Variants in RAB3C observed in about 807,000 individuals in gnomAD.
The protein encoded by RAB3C is ras-related protein Rab-3C.
RAB3C carries 17 observed loss-of-function variants against 26.4 expected under a neutral mutation model. The observed-to-expected ratio is 0.64, with a 90% CI of 0.44 to 0.97. RAB3C has a LOEUF of 0.97. Ranked by LOEUF, RAB3C falls within the 50% of genes least tolerant of loss-of-function variation. RAB3C has a pLI of 0.00. For synonymous variants in RAB3C, 91 were observed against 95.9 expected, an observed-to-expected ratio of 0.95 and a Z score of 0.30; for missense variants, 242 against 281.9, an observed-to-expected ratio of 0.86 and a Z score of 1.01.
At chr5:58,763,654 A>G (rs1373620533) in intron 3 of RAB3C, among the ~76,000 whole-genome samples, 2 of 152,188 alleles carry the variant, frequency 1.3e-5, no homozygotes, top group Non-Finnish European at 2.9e-5. Context: ...CACTCTTTCC[A>G]CTCCCAGAAA....
At chr5:58,641,244 T>C (rs182865627) in intron 2 of RAB3C, among the ~76,000 whole-genome samples, 1 of 152,310 alleles carries the variant, frequency 6.6e-6, no homozygotes, top group East Asian at 1.9e-4. Flanking sequence ...GTAGAGTCTC[T>C]GTAAATGTGG....
intron 3 of RAB3C, among the ~76,000 whole-genome samples, chr5:58,726,871 A>G (rs1027722565): frequency 5.9e-5 from 9 of 151,940 alleles, no homozygotes; most frequent in African/African-American, 1.9e-4. Flanking sequence ...GAGAGCAGAC[A>G]CTGAAAAGCC....
At chr5:58,707,575 T>G (rs565000483) in intron 2 of RAB3C, among the ~76,000 whole-genome samples, 1 of 151,782 alleles carries the variant, frequency 6.6e-6, no homozygotes, top group African/African-American at 2.4e-5. Flanking sequence ...CAGTAAGGAG[T>G]GGAGCCAGAA....
chr5:58,725,382 T>C (rs535128490), intron 2 of RAB3C, among the ~76,000 whole-genome samples: 6 of 152,016 alleles, frequency 3.9e-5, no homozygotes, highest in East Asian at 3.9e-4. Context: ...CTTTGAGAGT[T>C]TGACTATTAT....
intron 1 of RAB3C, among the ~76,000 whole-genome samples, chr5:58,585,233 A>G (rs1258793160): frequency 1.3e-5 from 2 of 152,008 alleles, no homozygotes; most frequent in African/African-American, 2.4e-5. Flanking sequence ...CTCCATTATT[A>G]TCAATTTTCA....
intron 2 of RAB3C, among the ~76,000 whole-genome samples, chr5:58,712,831 AT>A (rs1208049997): frequency 1.3e-5 from 2 of 152,244 alleles, no homozygotes; most frequent in South Asian, 4.1e-4. Context: ...GACCTAGAAT[AT>A]TTTTGTTTTT....
rs1743410228 is a variant in RAB3C at position 58,823,893 on chromosome 5, A to T, written c.372-1145A>T. ...CCTCCCCCACCCCCCACCCCACAAC[A>T]GTCCCTAGAGTGTGATGTTCCCCTT... On this transcript the variant is annotated intron_variant, in intron 3 of 4. Transcript: ENST00000282878. 3.8e-5 allele frequency among the ~76,000 whole-genome samples: 4 copies of T among 106,616 alleles called. No homozygotes were observed. The South Asian group carries it at 1.6e-3, about 42-fold the overall frequency. 69.9% of individuals were successfully genotyped at this position (106,616 alleles called of 152,430 possible). A position where few individuals can be genotyped will look rare whatever the true frequency, so the allele number is the denominator to read the frequency against.
At chr5:58,654,403 T>C (rs1400492357) in intron 2 of RAB3C, among the ~76,000 whole-genome samples, 2 of 152,202 alleles carry the variant, frequency 1.3e-5, no homozygotes, top group South Asian at 2.1e-4. Context: ...CCCTACAAGA[T>C]TCAAATCCAA....
chr5:58,671,544 A>G (rs961930022), intron 2 of RAB3C, among the ~76,000 whole-genome samples: 2 of 152,178 alleles, frequency 1.3e-5, no homozygotes, highest in African/African-American at 4.8e-5. Context: ...GAACCATAAA[A>G]AAAAATTGTG....
At chr5:58,695,934 C>T (rs1008174749) in intron 2 of RAB3C, among the ~76,000 whole-genome samples, 1 of 152,170 alleles carries the variant, frequency 6.6e-6, no homozygotes, top group Non-Finnish European at 1.5e-5. Flanking sequence ...TGCCTGATTG[C>T]CCTGGCCAGA....
intron 4 of RAB3C, chr5:58,848,522 A>C (rs1355924109): frequency 1.3e-5 from 2 of 152,224 alleles, no homozygotes; most frequent in Non-Finnish European, 2.9e-5. Context: ...CAAATTACGG[A>C]GCCATTTTCT....
intron 4 of RAB3C, among the ~76,000 whole-genome samples, chr5:58,836,004 C>G (rs1193690354): frequency 6.6e-6 from 1 of 152,144 alleles, no homozygotes; most frequent in Admixed American, 6.5e-5. Flanking sequence ...GGGCGGGGAA[C>G]AGTAGAGAAA....
intron 4 of RAB3C, among the ~76,000 whole-genome samples, chr5:58,826,994 T>G (rs1182279510): frequency 1.3e-5 from 2 of 152,206 alleles, no homozygotes; most frequent in African/African-American, 4.8e-5. Context: ...ACAAGAACCC[T>G]TCCACCAAAT....
At chr5:58,714,774 A>G (rs1454650426) in intron 2 of RAB3C, among the ~76,000 whole-genome samples, 6 of 152,004 alleles carry the variant, frequency 3.9e-5, no homozygotes, top group African/African-American at 1.4e-4. Context: ...CCAAATTAAT[A>G]AAGAGATGAA....
At chr5:58,663,357 C>T (rs1747943374) in intron 2 of RAB3C, among the ~76,000 whole-genome samples, 1 of 150,114 alleles carries the variant, frequency 6.7e-6, no homozygotes, top group African/African-American at 2.5e-5. Flanking sequence ...CATACCAATT[C>T]ATATCAAAGG....
chr5:58,739,650 C>A (rs1474254833), intron 3 of RAB3C, among the ~76,000 whole-genome samples: 1 of 152,086 alleles, frequency 6.6e-6, no homozygotes, highest in Non-Finnish European at 1.5e-5. Flanking sequence ...TTAGACAGAG[C>A]CCATATTAAG....
intron 1 of RAB3C, among the ~76,000 whole-genome samples, chr5:58,600,160 G>A (rs750787661): frequency 1.8e-4 from 28 of 152,008 alleles, no homozygotes; most frequent in Non-Finnish European, 3.2e-4. Flanking sequence ...AAGTATTTGC[G>A]TTTATTTCTG....
Position 58,753,349 on chromosome 5 carries a change from A to G in RAB3C, c.371+27229A>G, listed in dbSNP as rs561173028. Among the ~76,000 whole-genome samples, 24 of 152,284 alleles carry G rather than the reference A, an allele frequency of 1.6e-4. No individual in the cohort carries two copies. In the East Asian group the frequency reaches 3.9e-3, roughly 25 times the overall value. ...CTGTTTCCTTATTCCCAAATCATAG[A>G]TCTTAAGAAGCAGTTATTTCTTAAA... On this transcript the variant is annotated intron_variant, in intron 3 of 4. Transcript: ENST00000282878.
chr5:58,696,097 A>G (rs1176580829), intron 2 of RAB3C, among the ~76,000 whole-genome samples: 1 of 152,214 alleles, frequency 6.6e-6, no homozygotes, highest in African/African-American at 2.4e-5. Context: ...GATACGTTCC[A>G]TCAATACTTA....
Sources: allele counts gnomAD v4.1 joint callset (sites outside exome capture counted in the v4.1 genomes callset), GRCh38; gene constraint gnomAD v4.1.1; transcripts MANE v1.5; gene names NCBI Gene and HGNC (gene_info 2026-07-23, HGNC 2026-07-21).